The following NRP1 variants were observed in gnomAD, a reference collection of about 807,000 sequenced individuals.
NRP1 encodes neuropilin 1, also known as neuropilin-1.
Under a neutral mutation model 106.7 loss-of-function variants are expected in NRP1, and 35 were observed. The ratio of observed to expected loss-of-function variants is 0.33; its 90% CI spans 0.25 to 0.43. The LOEUF (loss-of-function observed/expected upper bound fraction) is 0.43. Among genes scored for constraint, NRP1 ranks in the 20% least tolerant of loss-of-function variants. NRP1 has a pLI of 1.00. For synonymous variants in NRP1, 437 were observed against 417.9 expected (o/e 1.05, Z -0.56); for missense variants, 1,024 against 1,170.4 (o/e 0.87, Z 1.83).
chr10:33,225,973 CA>C (rs996019213), intron 7 of NRP1, among the ~76,000 whole-genome samples, 160 bp downstream of exon 7: 1 of 152,198 alleles, frequency 6.6e-6, no homozygotes, highest in Non-Finnish European at 1.5e-5. Flanking sequence ...GATCTGGGAA[CA>C]TGAGACCCCT....
intron 6 of NRP1, among the ~76,000 whole-genome samples, chr10:33,238,801 G>A (rs1840777009): frequency 6.6e-6 from 1 of 152,070 alleles, no homozygotes; most frequent in Non-Finnish European, 1.5e-5. Flanking sequence ...CATTCTGCAT[G>A]GCTACTATGA....
chr10:33,195,633 C>T (rs1836728092), intron 12 of NRP1: 1 of 530,608 alleles, frequency 1.9e-6, no homozygotes, highest in Non-Finnish European at 3.9e-6. Flanking sequence ...GTCAACTCTT[C>T]AGAGTTAGAC....
chr10:33,283,343 T>A (rs1478728634), intron 2 of NRP1, among the ~76,000 whole-genome samples: 1 of 152,178 alleles, frequency 6.6e-6, no homozygotes, highest in East Asian at 1.9e-4. Flanking sequence ...ACTTGTCCGT[T>A]TTCTTTTTTT....
rs115347557 is a variant in NRP1, at chr10:33,308,647, C to T, written c.248+22061G>A. 2.8e-3 allele frequency among the ~76,000 whole-genome samples: 428 copies of T among 151,940 alleles called. 3 individuals carry two copies. The highest frequency in any genetic ancestry group is 0.01 in the African/African-American group (418 of 41,444). ...GATTATGGGCATGCATCACTATGTC[C>T]AGCTAATTTTTTTGTACTTTTAGTA... On this transcript the variant is annotated intron_variant, in intron 2 of 16. Transcript: ENST00000374867.
At chr10:33,251,306 C>T (rs1389389487) in intron 6 of NRP1, among the ~76,000 whole-genome samples, 1 of 152,188 alleles carries the variant, frequency 6.6e-6, no homozygotes, top group East Asian at 1.9e-4. Context: ...TAAGTTTCCT[C>T]CCCAGTCATG....
chr10:33,312,254 T>C (rs1210354642), intron 2 of NRP1, among the ~76,000 whole-genome samples: 1 of 152,238 alleles, frequency 6.6e-6, no homozygotes, highest in African/African-American at 2.4e-5. Context: ...TATGTTTAAA[T>C]TGCTCAGAAT....
intron 2 of NRP1, among the ~76,000 whole-genome samples, chr10:33,325,137 C>A (rs1381569630): frequency 1.3e-5 from 2 of 152,090 alleles, no homozygotes; most frequent in Non-Finnish European, 2.9e-5. Flanking sequence ...TTTATCAAAT[C>A]TTATACTTGG....
At chr10:33,209,855 A>C (rs557563885) in intron 9 of NRP1, among the ~76,000 whole-genome samples, 1 of 152,356 alleles carries the variant, frequency 6.6e-6, no homozygotes, top group Admixed American at 6.5e-5. Flanking sequence ...AGTTTCATTA[A>C]TTTGTCTTTA....
chr10:33,229,902 C>G (rs1839972766), intron 6 of NRP1, among the ~76,000 whole-genome samples: 1 of 152,144 alleles, frequency 6.6e-6, no homozygotes, highest in African/African-American at 2.4e-5. Context: ...CTTTAAAACT[C>G]TGCAGATTCT....
In NRP1 at chr10:33,265,116, AAAACAAACAAAC is replaced by A. The variant is rs372867658; in HGVS notation, c.431-1255_431-1244del. ...CAGAGCCAGCCAGACTCCGCCTCAA[AAAACAAACAAAC>A]AAACAAACAAACAACAACCAAAAAA... is the stretch of plus-strand genomic sequence containing the variant. On this transcript the variant is annotated intron_variant, in intron 3 of 16. Coordinates refer to ENST00000374867, the MANE Select transcript of NRP1 (RefSeq NM_003873.7). 7.3e-5 allele frequency among the ~76,000 whole-genome samples: 11 copies of A among 151,710 alleles called. No individual in the cohort carries two copies. In the East Asian group the frequency reaches 2.1e-3, roughly 29 times the overall value.
At chr10:33,226,390 G>C in intron 6 of NRP1, 101 bp from the exon 7 acceptor site, 1 of 1,239,146 alleles carries the variant, frequency 8.1e-7, no homozygotes, top group South Asian at 1.4e-5. Flanking sequence ...TCATCCACCT[G>C]GGATCAACAG....
chr10:33,237,777 T>G (rs78255257), intron 6 of NRP1, among the ~76,000 whole-genome samples: 2,968 of 151,924 alleles, frequency 0.02, 101 homozygotes, highest in African/African-American at 0.068. Context: ...GGCCAGGCAG[T>G]TCTCCTGACC....
At chr10:33,180,435 G>C in intron 16 of NRP1, 70 bp from the exon 17 acceptor site, 1 of 1,449,264 alleles carries the variant, frequency 6.9e-7, no homozygotes, top group Non-Finnish European at 9.3e-7. Flanking sequence ...CAGAAAAATA[G>C]AAAGGAACGA....
chr10:33,310,928 A>G lies in NRP1; in HGVS notation c.248+19780T>C, dbSNP rs1302988979. Among the ~76,000 whole-genome samples the G allele has an allele frequency of 2.0e-5, 3 of 152,196 alleles. No homozygotes were observed. The East Asian group carries it at 5.8e-4, about 29-fold the overall frequency. On this transcript the variant is annotated intron_variant, in intron 2 of 16. Coordinates refer to ENST00000374867, the MANE Select transcript of NRP1 (RefSeq NM_003873.7). ...TTCAATTTGTGCCACTTGAAGAGTC[A>G]GTAAAATGACGCCAAGACCATAAAC...
chr10:33,331,955 A>C (rs1282630164), intron 1 of NRP1, among the ~76,000 whole-genome samples: 1 of 152,202 alleles, frequency 6.6e-6, no homozygotes, highest in Non-Finnish European at 1.5e-5. Flanking sequence ...GTAATGGTAG[A>C]TGTAGATTTT....
intron 13 of NRP1, among the ~76,000 whole-genome samples, chr10:33,191,610 T>C (rs1836418169): frequency 6.6e-6 from 1 of 152,198 alleles, no homozygotes; most frequent in African/African-American, 2.4e-5. Flanking sequence ...GTCGTGCACA[T>C]AGAGAATTCA....
chr10:33,333,063 A>T (rs570831408), intron 1 of NRP1, among the ~76,000 whole-genome samples: 1 of 152,320 alleles, frequency 6.6e-6, no homozygotes, highest in East Asian at 1.9e-4. Context: ...TTTCAGTTGG[A>T]CGAGAATGCT....
At chr10:33,296,576 T>C (rs993908125) in intron 2 of NRP1, among the ~76,000 whole-genome samples, 1 of 152,116 alleles carries the variant, frequency 6.6e-6, no homozygotes, top group Admixed American at 6.5e-5. Context: ...GAGGGGTCCC[T>C]TCTGACCTCC....
intron 2 of NRP1, among the ~76,000 whole-genome samples, chr10:33,310,997 A>G (rs7075950): frequency 6.6e-6 from 1 of 152,174 alleles, no homozygotes; most frequent in African/African-American, 2.4e-5. Flanking sequence ...TCCCCTTTGA[A>G]GAGATAAGGC....
Sources: allele counts gnomAD v4.1 joint callset (sites outside exome capture counted in the v4.1 genomes callset), GRCh38; gene constraint gnomAD v4.1.1; transcripts MANE v1.5; gene names NCBI Gene and HGNC (gene_info 2026-07-23, HGNC 2026-07-21).